LYPD5: variants seen among roughly 807,000 people sequenced by gnomAD.
LYPD5 encodes LY6/PLAUR domain containing 5.
LYPD5 carries 21 observed loss-of-function variants against 19.1 expected under a neutral mutation model. That is an observed-to-expected ratio of 1.10 (90% confidence interval 0.78 to 1.58). The LOEUF (loss-of-function observed/expected upper bound fraction) is 1.58. Ranked by LOEUF, LYPD5 falls within the 40% of genes most tolerant of loss-of-function variation. The pLI is 0.00. For synonymous variants in LYPD5, 128 were observed against 142.7 expected, an observed-to-expected ratio of 0.90 and a Z score of 0.74; for missense variants, 287 against 329.8, an observed-to-expected ratio of 0.87 and a Z score of 1.00.
intron 1 of LYPD5, among the ~76,000 whole-genome samples, chr19:43,800,893 A>G (rs1425434243): frequency 1.3e-5 from 2 of 151,708 alleles, no homozygotes; most frequent in Non-Finnish European, 2.9e-5. Context: ...CCTGGGAAGC[A>G]GAGGTTGCAG....
At chr19:43,801,776 AAC>A (rs755971418) in intron 1 of LYPD5, among the ~76,000 whole-genome samples, 2 of 152,186 alleles carry the variant, frequency 1.3e-5, no homozygotes, top group Non-Finnish European at 1.5e-5. Flanking sequence ...AAGGAGCAGA[AAC>A]ACACAGATTT....
chr19:43,811,701 AAGAG>A (rs1225569699), intron 1 of LYPD5, among the ~76,000 whole-genome samples: 60 of 130,468 alleles, frequency 4.6e-4, no homozygotes, highest in African/African-American at 1.6e-3. Flanking sequence ...GAAAGAAGGA[AAGAG>A]AGAAAGAAAG....
Position 43,797,516 on chromosome 19 carries a change from T to G in LYPD5, c.*75A>C. On this transcript the variant is annotated 3_prime_UTR_variant, in exon 5 of 5. Transcript: ENST00000377950. Reference sequence around the variant, plus strand: ...TTCTTACTTTAACATCATTTTCCAGTGAGCTATGTGATAGGGGCTGAAGCA... The same window carrying G: ...TTCTTACTTTAACATCATTTTCCAGGGAGCTATGTGATAGGGGCTGAAGCA... 14 of 1,153,026 alleles carry G rather than the reference T, an allele frequency of 1.2e-5. No individual in the cohort carries two copies. The highest frequency in any genetic ancestry group is 1.6e-5 in the Non-Finnish European group (13 of 803,462). 71.4% of individuals were successfully genotyped at this position (1,153,026 alleles called of 1,614,324 possible). A position where few individuals can be genotyped will look rare whatever the true frequency, so the allele number is the denominator to read the frequency against.
At chr19:43,820,329 C>A (rs1175667106) in intron 1 of LYPD5, 1 of 152,466 alleles carries the variant, frequency 6.6e-6, no homozygotes, top group Admixed American at 6.5e-5. Flanking sequence ...ACCATTCGCA[C>A]GGTAGGGCAC....
chr19:43,798,369 G>C (rs1390744385), intron 4 of LYPD5, 86 bp downstream of exon 4: 5 of 1,489,824 alleles, frequency 3.4e-6, no homozygotes, highest in Non-Finnish European at 4.6e-6. Context: ...ATGTCTCCCT[G>C]TTGGGCCTGT....
chr19:43,804,936 G>C (rs1331666995), upstream of LYPD5, among the ~76,000 whole-genome samples: 4 of 152,216 alleles, frequency 2.6e-5, no homozygotes, highest in East Asian at 7.7e-4. Context: ...GAGTATGTGA[G>C]TGCTGTGTGC....
intron 1 of LYPD5, among the ~76,000 whole-genome samples, chr19:43,817,451 A>C (rs2146509630): frequency 1.3e-5 from 2 of 152,340 alleles, no homozygotes; most frequent in East Asian, 3.9e-4. Context: ...CCACCTTTGA[A>C]GGGAAGAGCT....
At chr19:43,810,900 G>T (rs112910200) in intron 1 of LYPD5, among the ~76,000 whole-genome samples, 29,087 of 151,852 alleles carry the variant, frequency 0.19, 2,787 homozygotes, top group Non-Finnish European at 0.21. Context: ...AAAGGACTGG[G>T]ATTACAGGCG....
In LYPD5 at chr19:43,802,359, C is replaced by G. The variant is rs1970234808; in HGVS notation, c.22G>C (p.Val8Leu). 6.4e-7 allele frequency: 1 copy of G among 1,551,710 alleles called. No individual in the cohort carries two copies. The highest frequency in any genetic ancestry group is 2.4e-5 in the East Asian group (1 of 40,922). MAMGVPR[V>L]ILLCLFGAAL... ...GCCCCAAAGAGGCAGAGCAGAATGA[C>G]TCTGGGGACCCCCATTGCCATTGCT... Residue 8 changes from valine (V) to leucine (L), a missense_variant, in exon 1 of 5, where the codon GTC becomes CTC. Coordinates refer to ENST00000377950, the MANE Select transcript of LYPD5 (RefSeq NM_001031749.3).
Position 43,802,343 on chromosome 19 carries a change from A to C in LYPD5, c.38T>G (p.Leu13Arg), listed in dbSNP as rs752046684. The C allele has an allele frequency of 3.2e-6, 5 of 1,551,660 alleles. No homozygotes were observed. In the South Asian group the frequency reaches 5.9e-5, roughly 18 times the overall value. ...MGVPRVILLCLFGAALCLTGS... is the reference protein window; with the variant it reads ...MGVPRVILLCRFGAALCLTGS... ...TGTCAGGCAGAGCGCAGCCCCAAAG[A>C]GGCAGAGCAGAATGACTCTGGGGAC... is the stretch of plus-strand genomic sequence containing the variant. The change falls in exon 1 of 5, where the codon CTC (leucine) becomes CGC (arginine). Residue 13 changes from leucine (L) to arginine (R), a missense_variant. Coordinates refer to ENST00000377950, the MANE Select transcript of LYPD5 (RefSeq NM_001031749.3).
intron 1 of LYPD5, among the ~76,000 whole-genome samples, chr19:43,819,361 T>G (rs1476235445): frequency 6.8e-6 from 1 of 146,578 alleles, no homozygotes; most frequent in African/African-American, 2.5e-5. Context: ...CTCAGCTCAC[T>G]GCAATCTCCA....
intron 1 of LYPD5, among the ~76,000 whole-genome samples, chr19:43,810,357 G>A (rs1970309666): frequency 6.6e-6 from 1 of 151,328 alleles, no homozygotes; most frequent in Non-Finnish European, 1.5e-5. Flanking sequence ...GTTTTTTTTA[G>A]ACAGGGTCTT....
Position 43,820,544 on chromosome 19 carries a change from A to T in LYPD5, c.-70T>A, listed in dbSNP as rs796109694. 4 of 142,408 alleles carry T rather than the reference A, an allele frequency of 2.8e-5. 1 individual carries two copies. Among genetic ancestry groups the T allele is most frequent in the African/African-American group, 1.1e-4 (4 of 37,958 alleles). 8.8% of individuals were successfully genotyped at this position (142,408 alleles called of 1,614,324 possible). On this transcript the variant is annotated 5_prime_UTR_variant, in exon 1 of 5. Transcript: ENST00000414615. ...CATTGCTTCTCCCACCCTTACCCGC[A>T]CTGCCGACTGGGGCATGAGTCCGCA...
Position 43,798,897 on chromosome 19 carries a change from T to C in LYPD5, c.285A>G (p.Pro95=). ...QTQSNADALP[P]DYSVVRGCTT... The stretch of plus-strand genomic sequence containing the variant: ...TGCAGCCGCGCACCACCGAGTAGTC[T>C]GGCGGCAGCGCGTCCGCGTTCGATT... The change falls in exon 3 of 5, where the codon CCA becomes CCG. Residue 95 remains proline (P), a synonymous_variant. Transcript: ENST00000377950. 1 of 1,603,684 alleles carries C rather than the reference T, an allele frequency of 6.2e-7. No homozygotes were observed. Among genetic ancestry groups the C allele is most frequent in the Non-Finnish European group, 8.5e-7 (1 of 1,175,412 alleles).
chr19:43,810,381 G>A (rs1321817463), intron 1 of LYPD5, among the ~76,000 whole-genome samples: 1 of 151,910 alleles, frequency 6.6e-6, no homozygotes, highest in Non-Finnish European at 1.5e-5. Context: ...CTGTTACCCA[G>A]GCTGGAGTGC....
At position 43,797,890 on chromosome 19, in the gene LYPD5, C is replaced by T. The variant is rs575459170; in HGVS notation, c.518-61G>A. 1.6e-5 allele frequency: 21 copies of T among 1,325,686 alleles called. 1 individual carries two copies. The South Asian group carries it at 2.2e-4, about 14-fold the overall frequency. The allele number at this position is 1,325,686 out of a possible 1,614,324, so 82.1% of individuals were successfully genotyped here. A position where few individuals can be genotyped will look rare whatever the true frequency, so the allele number is the denominator to read the frequency against. The stretch of plus-strand genomic sequence containing the variant: ...CTGAGGGAGACAGCTGCACCTGAAC[C>T]TTCACCTTGGTAGCTAGGGCCATGC... On this transcript the variant is annotated intron_variant, in intron 4 of 4. Transcript: ENST00000377950.
chr19:43,798,877 C>CCG lies in LYPD5; in HGVS notation c.303_304dup (p.Gly102AlafsTer13). 1 of 1,607,042 alleles carries CCG rather than the reference C, an allele frequency of 6.2e-7. No individual in the cohort carries two copies. Among genetic ancestry groups the CCG allele is most frequent in the Non-Finnish European group, 8.5e-7 (1 of 1,176,966 alleles). ...GGCGTTGCATTTGTCAGTTGTGCAGCCGCGCACCACCGAGTAGTCTGGCGG... is the reference window on the plus strand; with the variant it reads ...GGCGTTGCATTTGTCAGTTGTGCAGCCGCGCGCACCACCGAGTAGTCTGGCGG... On this transcript the variant is annotated frameshift_variant, in exon 3 of 5. Transcript: ENST00000377950. LOFTEE classifies it high-confidence loss of function.
In LYPD5 at chr19:43,798,935, C is replaced by G; in HGVS notation, c.247G>C (p.Ala83Pro). 1.3e-6 allele frequency: 2 copies of G among 1,592,750 alleles called. No homozygotes were observed. The highest frequency in any genetic ancestry group is 8.5e-7 in the Non-Finnish European group (1 of 1,170,446). The change falls in exon 3 of 5, where the codon GCG becomes CCG. Residue 83 changes from alanine (A) to proline (P), a missense_variant. Transcript: ENST00000377950. ...TCCGCGTTCGATTGCGTCTGGCCCG[C>G]AGGAGGCCCGGTCCAGCAGCCCTTC... The part of the protein sequence containing the change: ...VRKGCWTGPP[A>P]GQTQSNADAL...
At chr19:43,815,794 G>T in intron 1 of LYPD5, 1 of 388,118 alleles carries the variant, frequency 2.6e-6, no homozygotes, top group Non-Finnish European at 5.0e-6. Flanking sequence ...CTGGAGTGCA[G>T]TGGCGCGATC....
Sources: gnomAD v4.1 joint callset for allele counts (sites outside exome capture counted in the v4.1 genomes callset) on GRCh38, gnomAD v4.1.1 for gene constraint, MANE v1.5 for transcripts, NCBI Gene and HGNC (gene_info 2026-07-23, HGNC 2026-07-21) for gene names.